The following SAMD3 variants were observed in gnomAD, a reference collection of about 807,000 sequenced individuals.
SAMD3 encodes sterile alpha motif domain-containing protein 3.
A neutral mutation model predicts 58.5 loss-of-function variants in SAMD3; 63 were observed. That is an observed-to-expected ratio of 1.08 (90% CI 0.88 to 1.33). The LOEUF is 1.33. SAMD3 is among the 40% of genes most tolerant of loss of function. The pLI is 0.00. For synonymous variants in SAMD3, 220 were observed against 210.3 expected, an observed-to-expected ratio of 1.05 and a Z score of -0.40; for missense variants, 604 against 608.4, an observed-to-expected ratio of 0.99 and a Z score of 0.08.
intron 8 of SAMD3, among the ~76,000 whole-genome samples, chr6:130,155,988 C>CA (rs1185766556): frequency 2.6e-5 from 4 of 152,120 alleles, no homozygotes; most frequent in African/African-American, 9.7e-5. Context: ...GTTTTACAGA[C>CA]AAAATCTACT....
chr6:130,256,503 A>T (rs1044160988), intron 2 of SAMD3, among the ~76,000 whole-genome samples: 1 of 152,160 alleles, frequency 6.6e-6, no homozygotes, highest in African/African-American at 2.4e-5. Flanking sequence ...TATTTCCTTG[A>T]CTGCTATGAT....
At chr6:130,314,927 A>G (rs547534969) in intron 1 of SAMD3, among the ~76,000 whole-genome samples, 4 of 152,348 alleles carry the variant, frequency 2.6e-5, no homozygotes, top group South Asian at 4.1e-4. Context: ...GAATACCAGT[A>G]CTTTAAAAAG....
intron 1 of SAMD3, among the ~76,000 whole-genome samples, chr6:130,356,342 C>T (rs780035357): frequency 6.6e-5 from 10 of 152,166 alleles, no homozygotes; most frequent in African/African-American, 1.2e-4. Context: ...TGGTCTGCCC[C>T]GGCTACAGAT....
chr6:130,283,107 T>C (rs1295169221), intron 2 of SAMD3, among the ~76,000 whole-genome samples: 1 of 152,152 alleles, frequency 6.6e-6, no homozygotes, highest in Non-Finnish European at 1.5e-5. Context: ...GAATGAAATA[T>C]AATTTCTAGA....
chr6:130,206,817 T>C (rs1795123657), intron 5 of SAMD3, among the ~76,000 whole-genome samples: 1 of 152,076 alleles, frequency 6.6e-6, no homozygotes, highest in South Asian at 2.1e-4. Context: ...CTATGAAGAA[T>C]GTGAGATGCC....
upstream of SAMD3, among the ~76,000 whole-genome samples, chr6:130,223,486 T>C (rs1359604755): frequency 1.3e-5 from 2 of 152,236 alleles, no homozygotes; most frequent in Non-Finnish European, 2.9e-5. Context: ...GTTACTCATT[T>C]GTTAGAACAC....
chr6:130,211,944 C>T lies in SAMD3; in HGVS notation c.270-2336G>A, dbSNP rs60639629. ...GCCATCACAGACTCTTTAGAACGGA[C>T]CTAAAGTATCACTTATTCTACCTAC... On this transcript the variant is annotated intron_variant, in intron 4 of 11. Coordinates refer to ENST00000439090, the MANE Select transcript of SAMD3 (RefSeq NM_001017373.4). Among the ~76,000 whole-genome samples the T allele has an allele frequency of 5.5e-3, 823 of 149,624 alleles. 9 individuals carry two copies. The highest frequency in any genetic ancestry group is 0.02 in the African/African-American group (794 of 40,482).
intron 9 of SAMD3, among the ~76,000 whole-genome samples, chr6:130,149,517 A>G (rs1229385775): frequency 6.6e-6 from 1 of 152,228 alleles, no homozygotes; most frequent in Admixed American, 6.5e-5. Flanking sequence ...TACACCATGG[A>G]ATACTACATA....
At chr6:130,255,971 G>T (rs938931239) in intron 2 of SAMD3, among the ~76,000 whole-genome samples, 2 of 151,278 alleles carry the variant, frequency 1.3e-5, no homozygotes, top group Admixed American at 6.6e-5. Context: ...TACATTAATT[G>T]TTTTCTGGTT....
upstream of SAMD3, among the ~76,000 whole-genome samples, chr6:130,225,448 G>C (rs1032925081): frequency 6.6e-6 from 1 of 152,180 alleles, no homozygotes; most frequent in African/African-American, 2.4e-5. Flanking sequence ...TGAGTTTCAA[G>C]CTTTAAAACC....
chr6:130,258,976 C>T (rs1371527510), intron 2 of SAMD3, among the ~76,000 whole-genome samples: 1 of 151,996 alleles, frequency 6.6e-6, no homozygotes, highest in Non-Finnish European at 1.5e-5. Flanking sequence ...CATTTTATGA[C>T]TTTTACAGTG....
At chr6:130,194,898 C>T (rs986066172) in intron 5 of SAMD3, among the ~76,000 whole-genome samples, 3 of 152,058 alleles carry the variant, frequency 2.0e-5, no homozygotes, top group Non-Finnish European at 2.9e-5. Flanking sequence ...GTAAGTCTGT[C>T]CCCTTCTTAA....
intron 2 of SAMD3, among the ~76,000 whole-genome samples, chr6:130,249,998 CAG>C (rs1773686443): frequency 1.3e-5 from 2 of 152,062 alleles, no homozygotes; most frequent in African/African-American, 4.8e-5. Flanking sequence ...TGATCAATCA[CAG>C]AGTTTGATGC....
intron 2 of SAMD3, among the ~76,000 whole-genome samples, chr6:130,282,919 C>T (rs182113339): frequency 4.3e-4 from 65 of 152,224 alleles, no homozygotes; most frequent in African/African-American, 1.5e-3. Context: ...TGCTATTCAG[C>T]AACAATTTAT....
chr6:130,198,400 G>A (rs1003778234), intron 5 of SAMD3, among the ~76,000 whole-genome samples: 3 of 152,146 alleles, frequency 2.0e-5, no homozygotes, highest in Non-Finnish European at 2.9e-5. Context: ...GTAGAGATGA[G>A]GTCTTGCTAT....
intron 1 of SAMD3, among the ~76,000 whole-genome samples, chr6:130,353,959 C>T (rs927508487): frequency 4.6e-5 from 7 of 152,000 alleles, no homozygotes; most frequent in South Asian, 4.1e-4. Flanking sequence ...CTATAAGGAA[C>T]GTAAACAACT....
intron 5 of SAMD3, among the ~76,000 whole-genome samples, chr6:130,201,086 C>T (rs1794614108): frequency 6.6e-6 from 1 of 152,148 alleles, no homozygotes; most frequent in Admixed American, 6.5e-5. Flanking sequence ...ATTTAAATAT[C>T]CTTTTGATGC....
At chr6:130,357,024 G>T (rs769972203) in intron 1 of SAMD3, among the ~76,000 whole-genome samples, 9 of 151,808 alleles carry the variant, frequency 5.9e-5, no homozygotes, top group African/African-American at 2.2e-4. Flanking sequence ...TGGGCACATA[G>T]GTCAAATCAT....
intron 2 of SAMD3, among the ~76,000 whole-genome samples, chr6:130,269,635 T>C (rs1774488258): frequency 6.6e-6 from 1 of 152,170 alleles, no homozygotes; most frequent in Admixed American, 6.5e-5. Context: ...TAGAGGTTTA[T>C]CAATTTTATT....
Sources: allele counts gnomAD v4.1 joint callset (sites outside exome capture counted in the v4.1 genomes callset), GRCh38; gene constraint gnomAD v4.1.1; transcripts MANE v1.5; gene names NCBI Gene and HGNC (gene_info 2026-07-23, HGNC 2026-07-21).